GPHN: variants seen among roughly 807,000 people sequenced by gnomAD.
GPHN encodes gephyrin.
A neutral mutation model predicts 95.5 loss-of-function variants in GPHN; 17 were observed. The ratio of observed to expected loss-of-function variants is 0.18; its 90% confidence interval spans 0.12 to 0.27. The LOEUF (loss-of-function observed/expected upper bound fraction) is 0.27. Ranked by LOEUF, GPHN falls within the 10% of genes least tolerant of loss-of-function variation. The probability of loss-of-function intolerance (pLI) is 1.00; values close to 1 mark genes in which losing one functional copy is unlikely to be tolerated. For synonymous variants in GPHN, 320 were observed against 322.5 expected (o/e 0.99, Z 0.08); for missense variants, 660 against 978.1 (o/e 0.67, Z 4.34).
the GPHN span, among the ~76,000 whole-genome samples, chr14:67,459,282 C>T: frequency 6.6e-6 from 1 of 152,192 alleles, no homozygotes; most frequent in Non-Finnish European, 1.5e-5. Flanking sequence ...AACCCTCCCA[C>T]CTTGGCCTCC....
chr14:67,102,321 C>T (rs1480530439), intron 13 of GPHN, among the ~76,000 whole-genome samples: 1 of 152,064 alleles, frequency 6.6e-6, no homozygotes, highest in Non-Finnish European at 1.5e-5. Flanking sequence ...AAAGTTTCCT[C>T]TTCCTGAGAT....
chr14:67,295,381 T>C, the GPHN span, among the ~76,000 whole-genome samples: 2 of 151,594 alleles, frequency 1.3e-5, no homozygotes, highest in African/African-American at 4.9e-5. Context: ...TTCCAGCTGC[T>C]TGGGAGGCTG....
chr14:67,439,533 GTTTCTTTCTTTCTTTCTTTC>G, the GPHN span, among the ~76,000 whole-genome samples: 43 of 96,144 alleles, frequency 4.5e-4, no homozygotes, highest in African/African-American at 6.7e-4. Context: ...AAATTCAATA[GTTTCTTTCTTTCTTTCTTTC>G]TTTCTTTCTT....
chr14:66,738,208 G>C (rs946192202), intron 2 of GPHN, among the ~76,000 whole-genome samples: 1 of 152,154 alleles, frequency 6.6e-6, no homozygotes, highest in African/African-American at 2.4e-5. Context: ...CCCCAAAAGA[G>C]TATCCTAAAA....
the GPHN span, among the ~76,000 whole-genome samples, chr14:67,675,912 A>G: frequency 6.6e-6 from 1 of 152,084 alleles, no homozygotes; most frequent in Non-Finnish European, 1.5e-5. Context: ...CCTGGCCAAC[A>G]TGGTGAAACC....
chr14:66,730,177 C>T (rs1244983345), intron 2 of GPHN, among the ~76,000 whole-genome samples: 1 of 152,168 alleles, frequency 6.6e-6, no homozygotes, highest in Non-Finnish European at 1.5e-5. Context: ...CAAGAAGTTA[C>T]TAGGAATTCA....
chr14:67,574,531 G>A, the GPHN span: 1 of 705,964 alleles, frequency 1.4e-6, no homozygotes, highest in Non-Finnish European at 2.1e-6. The surrounding 1 kb of genome is among the most constrained non-coding windows in gnomAD (Gnocchi z 4.2). Context: ...TCCTCACAGT[G>A]ACTCGCTGGC....
the GPHN span, chr14:67,692,587 C>T: frequency 1.8e-5 from 29 of 1,572,250 alleles, no homozygotes; most frequent in African/African-American, 2.6e-4. Context: ...TAAATATACT[C>T]GAGCTCCTGT....
Position 66,661,524 on chromosome 14 carries a change from A to T in GPHN, c.65-19583A>T, listed in dbSNP as rs117056323. ...GAGTGCCTGCGGGGAGGGGCAGGCT[A>T]CCATCTCTGCTGTTTGGACAGCTCA... On this transcript the variant is annotated intron_variant, in intron 1 of 22. Transcript: ENST00000478722. Among the ~76,000 whole-genome samples the T allele has an allele frequency of 1.9e-3, 287 of 152,262 alleles. 6 individuals are homozygous for T. In the East Asian group the frequency reaches 0.053, roughly 28 times the overall value.
At chr14:67,622,097 T>G in the GPHN span, among the ~76,000 whole-genome samples, 3 of 152,190 alleles carry the variant, frequency 2.0e-5, no homozygotes, top group East Asian at 5.8e-4. Context: ...CTCAAATAAA[T>G]AAATAAATAC....
chr14:66,632,702 A>C lies in GPHN; in HGVS notation c.65-48405A>C, dbSNP rs144443352. Among the ~76,000 whole-genome samples, 7 of 151,956 alleles carry C rather than the reference A, an allele frequency of 4.6e-5. No homozygotes were observed. The East Asian group carries it at 5.8e-4, about 13-fold the overall frequency. ...GAGACGGGGTTTCACCTTGTTGGCCAGGCTGGTCTCCAACTTCTGACCTCG... is the reference window on the plus strand; with the variant it reads ...GAGACGGGGTTTCACCTTGTTGGCCCGGCTGGTCTCCAACTTCTGACCTCG... On this transcript the variant is annotated intron_variant, in intron 1 of 22. Transcript: ENST00000478722.
the GPHN span, among the ~76,000 whole-genome samples, chr14:67,225,978 CGCAT>C: frequency 0.019 from 2,591 of 135,360 alleles, 35 homozygotes; most frequent in Non-Finnish European, 0.026. Context: ...CGCGCGCGTG[CGCAT>C]GCGCGTGCAT....
At chr14:66,633,669 T>G (rs1248046320) in intron 1 of GPHN, among the ~76,000 whole-genome samples, 2 of 152,184 alleles carry the variant, frequency 1.3e-5, no homozygotes, top group Admixed American at 1.3e-4. Flanking sequence ...CATATATTTT[T>G]GGGTACGTAT....
At chr14:67,312,778 A>G in the GPHN span, 1 of 1,225,346 alleles carries the variant, frequency 8.2e-7, no homozygotes, top group Non-Finnish European at 1.1e-6. Flanking sequence ...CTTCACAAAG[A>G]AAAACTCACT....
chr14:67,473,630 G>C, the GPHN span: 1 of 1,586,550 alleles, frequency 6.3e-7, no homozygotes, highest in Non-Finnish European at 8.6e-7. The surrounding 1 kb of genome is among the most constrained non-coding windows in gnomAD (Gnocchi z 6.5). Flanking sequence ...GGCAGGCGTT[G>C]AACTGGCGCA....
intron 2 of GPHN, among the ~76,000 whole-genome samples, chr14:66,683,787 C>G (rs1566813762): frequency 1.3e-5 from 2 of 151,716 alleles, no homozygotes; most frequent in Admixed American, 6.6e-5. Context: ...ACCATCCTGG[C>G]TAACACGGTG....
chr14:67,552,044 G>A, the GPHN span, among the ~76,000 whole-genome samples: 2 of 152,198 alleles, frequency 1.3e-5, no homozygotes, highest in African/African-American at 2.4e-5. Flanking sequence ...ATCTCACAGC[G>A]TGTGACAAGG....
the GPHN span, among the ~76,000 whole-genome samples, chr14:67,730,859 C>A: frequency 6.6e-6 from 1 of 152,290 alleles, no homozygotes; most frequent in Middle Eastern, 3.4e-3. Context: ...CTGCCTTGGC[C>A]TCCTAAAGTG....
intron 9 of GPHN, among the ~76,000 whole-genome samples, chr14:66,967,954 C>G (rs2069465198): frequency 6.6e-6 from 1 of 151,690 alleles, no homozygotes. Flanking sequence ...CAGGTGTCAC[C>G]AATCAAGAAC....
Sources: allele counts gnomAD v4.1 joint callset (sites outside exome capture counted in the v4.1 genomes callset), GRCh38; gene constraint gnomAD v4.1.1; non-coding constraint Gnocchi (gnomAD v3.1); transcripts MANE v1.5; gene names NCBI Gene and HGNC (gene_info 2026-07-23, HGNC 2026-07-21).